ATP8A1: variants seen among roughly 807,000 people sequenced by gnomAD.
ATP8A1 encodes the protein phospholipid-transporting ATPase IA.
A neutral mutation model predicts 177.7 loss-of-function variants in ATP8A1; 90 were observed. The observed-to-expected ratio is 0.51, with a 90% confidence interval of 0.43 to 0.60. The LOEUF (loss-of-function observed/expected upper bound fraction) is 0.60, where lower values mean the gene tolerates loss of function less well. Among genes scored for constraint, ATP8A1 ranks in the 20% least tolerant of loss-of-function variants. The pLI, the probability that ATP8A1 is intolerant of heterozygous loss-of-function variation, is 0.00. For synonymous variants in ATP8A1, 493 were observed against 485.9 expected, an observed-to-expected ratio of 1.01 and a Z score of -0.19; for missense variants, 1,072 against 1,392.8, an observed-to-expected ratio of 0.77 and a Z score of 3.67.
chr4:42,617,315 A>C (rs570549350), intron 4 of ATP8A1, among the ~76,000 whole-genome samples: 1 of 152,332 alleles, frequency 6.6e-6, no homozygotes, highest in East Asian at 1.9e-4. Context: ...GTTGAGAATG[A>C]TTCTTCCCAC....
rs1560454808 is a variant in ATP8A1, at chr4:42,555,144, ATCTATCTATCTATCT to A, written c.1413+809_1413+823del. ...ATCTATCTATCTATCTATCTAATCT[ATCTATCTATCTATCT>A]ATCTATCTATCTATCTATCTATCTA... On this transcript the variant is annotated intron_variant, in intron 16 of 36. Transcript: ENST00000381668. 3.8e-3 allele frequency among the ~76,000 whole-genome samples: 216 copies of A among 57,116 alleles called. 1 individual carries two copies. Among genetic ancestry groups the A allele is most frequent in the Non-Finnish European group, 6.1e-3 (162 of 26,740 alleles). The allele number at this position is 57,116 out of a possible 152,430, so 37.5% of individuals were successfully genotyped here.
At chr4:42,415,019 C>A in intron 35 of ATP8A1, 1 of 262,466 alleles carries the variant, frequency 3.8e-6, no homozygotes, top group Non-Finnish European at 7.2e-6. Context: ...AACACAGAGC[C>A]AGTATAACAC....
chr4:42,613,226 A>G (rs1736546546), intron 5 of ATP8A1, among the ~76,000 whole-genome samples: 1 of 152,172 alleles, frequency 6.6e-6, no homozygotes, highest in Non-Finnish European at 1.5e-5. Flanking sequence ...ACTCAAAGGC[A>G]GCAAAGGGGA....
Position 42,616,093 on chromosome 4 carries a change from C to T in ATP8A1, c.364-15G>A. ...TTATGTCGTTTCTAAAGTTTAAAAG[C>T]AAAAAGAACAACTGTGAAAATGTGA... On this transcript the variant is annotated splice_polypyrimidine_tract_variant and intron_variant, in intron 4 of 36. Transcript: ENST00000381668. The T allele has an allele frequency of 1.2e-6, 2 of 1,605,284 alleles. No homozygotes were observed. Among genetic ancestry groups the T allele is most frequent in the Non-Finnish European group, 1.7e-6 (2 of 1,175,646 alleles).
chr4:42,507,143 T>A lies in ATP8A1; in HGVS notation c.1959A>T (p.Leu653=), dbSNP rs141769822. ...TATCCTCAATGGCTGTTGCTCCAAG[T>A]AGCTGAAGATTCTGAAAAAAATTAG... ...SYELIEKNLQ[L]LGATAIEDKL... The change falls in exon 23 of 37, where the codon CTA becomes CTT. Residue 653 remains leucine (L), a synonymous_variant. Transcript: ENST00000381668. The A allele has an allele frequency of 1.9e-6, 3 of 1,610,672 alleles. No homozygotes were observed. In the Admixed American group the frequency reaches 5.1e-5, roughly 27 times the overall value.
intron 5 of ATP8A1, among the ~76,000 whole-genome samples, chr4:42,604,102 T>C (rs972112345): frequency 6.6e-6 from 1 of 151,964 alleles, no homozygotes; most frequent in African/African-American, 2.4e-5. Flanking sequence ...TCAAATCCTT[T>C]GCACATGTTT....
intron 22 of ATP8A1, among the ~76,000 whole-genome samples, chr4:42,513,451 A>G (rs1252996904): frequency 6.6e-6 from 1 of 152,224 alleles, no homozygotes; most frequent in African/African-American, 2.4e-5. Flanking sequence ...AAGAAAATCT[A>G]TCCAACATGA....
intron 25 of ATP8A1, among the ~76,000 whole-genome samples, chr4:42,483,358 G>A (rs1300971015): frequency 7.0e-6 from 1 of 142,276 alleles, no homozygotes; most frequent in Non-Finnish European, 1.5e-5. Context: ...AAAAAGCTGA[G>A]GAAAGATATG....
intron 1 of ATP8A1, among the ~76,000 whole-genome samples, chr4:42,646,983 A>C (rs1740603036): frequency 6.6e-6 from 1 of 152,254 alleles, no homozygotes; most frequent in African/African-American, 2.4e-5. Context: ...CATTTAAATA[A>C]AAATGAATAG....
intron 33 of ATP8A1, among the ~76,000 whole-genome samples, chr4:42,426,211 C>T (rs1240842679): frequency 6.6e-6 from 1 of 152,340 alleles, no homozygotes. Flanking sequence ...TCTGTTAGCA[C>T]CTACGTTCCC....
rs1553890685 is a variant in ATP8A1 at position 42,507,798 on chromosome 4, A to AAAACAAAAC, written c.1948-645_1948-644insGTTTTGTTT. ...GGCATTCTAAAAAAAAAAAAAAAAA[A>AAAACAAAAC]AAAAAAAAAAACATACAAACAGCTA... On this transcript the variant is annotated intron_variant, in intron 22 of 36. Transcript: ENST00000381668. Among the ~76,000 whole-genome samples the AAAACAAAAC allele has an allele frequency of 2.7e-4, 34 of 124,736 alleles. 2 individuals are homozygous for AAAACAAAAC. In the East Asian group the frequency reaches 3.2e-3, roughly 12 times the overall value. 81.8% of individuals were successfully genotyped at this position (124,736 alleles called of 152,430 possible).
intron 20 of ATP8A1, among the ~76,000 whole-genome samples, chr4:42,531,521 C>T (rs1046108830): frequency 6.6e-6 from 1 of 152,126 alleles, no homozygotes; most frequent in Admixed American, 6.5e-5. Flanking sequence ...ATGAGGAAGC[C>T]CTCTTTCTTC....
intron 27 of ATP8A1, 110 bp downstream of exon 27, chr4:42,464,580 G>A: frequency 1.5e-6 from 1 of 651,958 alleles, no homozygotes; most frequent in Non-Finnish European, 2.6e-6. Flanking sequence ...AATTTATAAA[G>A]AGTTGGCAAA....
At chr4:42,655,290 A>C (rs941075039) in intron 1 of ATP8A1, among the ~76,000 whole-genome samples, 1 of 152,250 alleles carries the variant, frequency 6.6e-6, no homozygotes, top group Non-Finnish European at 1.5e-5. Context: ...TCCATAAAGT[A>C]ATCTTTGTAA....
Position 42,571,379 on chromosome 4 carries a change from A to G in ATP8A1, c.1296-2174T>C, listed in dbSNP as rs1731888618. Among the ~76,000 whole-genome samples the G allele has an allele frequency of 2.0e-5, 3 of 152,230 alleles. No homozygotes were observed. In the South Asian group the frequency reaches 6.2e-4, roughly 31 times the overall value. On this transcript the variant is annotated intron_variant, in intron 14 of 36. Coordinates refer to ENST00000381668, the MANE Select transcript of ATP8A1 (RefSeq NM_006095.2). ...CGAATTAAATGCCTTGTCCACACAA[A>G]AAAGCATTTTGTTTGCTTAACAGAA...
chr4:42,439,147 G>A (rs1415833238), intron 33 of ATP8A1, among the ~76,000 whole-genome samples: 1 of 152,154 alleles, frequency 6.6e-6, no homozygotes, highest in Non-Finnish European at 1.5e-5. Flanking sequence ...TTTGCACCCC[G>A]AGATCCTGTT....
chr4:42,554,864 A>G (rs13108456), intron 16 of ATP8A1, among the ~76,000 whole-genome samples: 53,646 of 151,928 alleles, frequency 0.35, 9,709 homozygotes, highest in Non-Finnish European at 0.4. Flanking sequence ...AGCTGCCAGC[A>G]TGGCCAGAAT....
chr4:42,543,921 C>G lies in ATP8A1; in HGVS notation c.1718G>C (p.Gly573Ala). ...AAAATAAAAATAAAAACTTACAGCT[C>G]CTTTGCAGTAGAGTCGTAACTTTCC... ...PSGKLRLYCK[G>A]ADTVIYDRLA... Residue 573 changes from glycine (G) to alanine (A), a missense_variant, in exon 20 of 37, where the codon GGA becomes GCA. By Grantham distance (60) the Gly-to-Ala change is moderately conservative. Transcript: ENST00000381668. 1 of 1,608,520 alleles carries G rather than the reference C, an allele frequency of 6.2e-7. No homozygotes were observed. The highest frequency in any genetic ancestry group is 8.5e-7 in the Non-Finnish European group (1 of 1,176,720).
chr4:42,600,430 A>C, intron 6 of ATP8A1, 48 bp downstream of exon 6: 1 of 1,520,982 alleles, frequency 6.6e-7, no homozygotes, highest in Non-Finnish European at 9.0e-7. Flanking sequence ...ACTAGAGTAC[A>C]CCGCTATGTA....
Sources: gnomAD v4.1 joint callset for allele counts (sites outside exome capture counted in the v4.1 genomes callset) on GRCh38, gnomAD v4.1.1 for gene constraint, MANE v1.5 for transcripts, NCBI Gene and HGNC (gene_info 2026-07-23, HGNC 2026-07-21) for gene names.